The following ZNF536 variants were observed in gnomAD, a reference collection of about 807,000 sequenced individuals.
ZNF536 encodes zinc finger protein 536.
In ZNF536, 13 loss-of-function variants were observed where a neutral mutation model predicts 84.5. The observed-to-expected ratio is 0.15, with a 90% confidence interval of 0.10 to 0.24. ZNF536 has a LOEUF of 0.24. Ranked by LOEUF, ZNF536 falls within the 10% of genes least tolerant of loss-of-function variation. ZNF536 has a pLI of 1.00. For synonymous variants in ZNF536, 811 were observed against 742.5 expected, an observed-to-expected ratio of 1.09 and a Z score of -1.50; for missense variants, 1,536 against 1,747.5, an observed-to-expected ratio of 0.88 and a Z score of 2.16.
chr19:30,503,382 T>C (rs1385524724), intron 2 of ZNF536, among the ~76,000 whole-genome samples: 2 of 152,120 alleles, frequency 1.3e-5, no homozygotes, highest in African/African-American at 4.8e-5. Context: ...ATACAAATGG[T>C]CAATAATCAA....
intron 1 of ZNF536, among the ~76,000 whole-genome samples, chr19:30,691,214 A>G (rs1342316027): frequency 6.6e-6 from 1 of 152,052 alleles, no homozygotes; most frequent in Non-Finnish European, 1.5e-5. Context: ...TTCTGTATTA[A>G]CCGTGAGGTC....
chr19:30,311,843 A>G (rs2046514529), intron 2 of ZNF536, among the ~76,000 whole-genome samples: 1 of 152,136 alleles, frequency 6.6e-6, no homozygotes, highest in African/African-American at 2.4e-5. Flanking sequence ...CCAAGGCAGG[A>G]GGATCACTTG....
intron 3 of ZNF536, among the ~76,000 whole-genome samples, chr19:30,353,833 A>C (rs977049687): frequency 6.6e-6 from 1 of 152,178 alleles, no homozygotes; most frequent in Non-Finnish European, 1.5e-5. Context: ...TGCTACATTG[A>C]TGGTGAGGAT....
intron 2 of ZNF536, among the ~76,000 whole-genome samples, chr19:30,470,710 G>C (rs2053598453): frequency 6.8e-6 from 1 of 146,954 alleles, no homozygotes; most frequent in Non-Finnish European, 1.5e-5. Context: ...TTTTGAGATG[G>C]AGTCTCGCTC....
chr19:30,389,370 A>G (rs774322703), intron 1 of ZNF536, among the ~76,000 whole-genome samples: 1 of 152,172 alleles, frequency 6.6e-6, no homozygotes, highest in African/African-American at 2.4e-5. Context: ...TCTAGCGACC[A>G]TAGATGGGAC....
chr19:30,709,180 G>T (rs538276761), intron 1 of ZNF536, among the ~76,000 whole-genome samples: 1 of 152,150 alleles, frequency 6.6e-6, no homozygotes, highest in Non-Finnish European at 1.5e-5. Flanking sequence ...TTAGGTGAAC[G>T]TCCACAGGAA....
chr19:30,616,313 C>T (rs2048293011), intron 1 of ZNF536, among the ~76,000 whole-genome samples: 1 of 152,178 alleles, frequency 6.6e-6, no homozygotes, highest in African/African-American at 2.4e-5. Flanking sequence ...ATGCATGTTA[C>T]AGAAATATCC....
At chr19:30,672,380 T>G (rs139413752) in intron 1 of ZNF536, among the ~76,000 whole-genome samples, 1 of 152,334 alleles carries the variant, frequency 6.6e-6, no homozygotes, top group East Asian at 1.9e-4. Flanking sequence ...TTAGAATGCA[T>G]GCGTTTGAAA....
chr19:30,367,620 C>T (rs1274917049), upstream of ZNF536, among the ~76,000 whole-genome samples: 1 of 152,150 alleles, frequency 6.6e-6, no homozygotes, highest in Non-Finnish European at 1.5e-5. Context: ...CCTTCAATGC[C>T]CATTTGATTC....
intron 2 of ZNF536, among the ~76,000 whole-genome samples, chr19:30,516,161 A>G (rs997678534): frequency 1.3e-5 from 2 of 152,142 alleles, no homozygotes; most frequent in African/African-American, 4.8e-5. Context: ...AATTGGGTGG[A>G]CATGTTTGCT....
intron 2 of ZNF536, among the ~76,000 whole-genome samples, chr19:30,303,506 C>A (rs1249950832): frequency 1.4e-5 from 2 of 145,476 alleles, no homozygotes; most frequent in Non-Finnish European, 3.0e-5. Flanking sequence ...CTTTTTGACA[C>A]TTTTTTTTTT....
At chr19:30,634,549 A>G (rs937899477) in intron 1 of ZNF536, among the ~76,000 whole-genome samples, 4 of 152,106 alleles carry the variant, frequency 2.6e-5, no homozygotes, top group Non-Finnish European at 4.4e-5. Flanking sequence ...CCCTGGTCGG[A>G]GCAGTCCCTC....
chr19:30,616,024 A>G (rs60340722), intron 1 of ZNF536, among the ~76,000 whole-genome samples: 4 of 152,136 alleles, frequency 2.6e-5, no homozygotes, highest in Non-Finnish European at 5.9e-5. Context: ...TTGTATATTC[A>G]TTTTATAACC....
At chr19:30,382,481 A>G (rs2049058726) in intron 1 of ZNF536, among the ~76,000 whole-genome samples, 1 of 152,262 alleles carries the variant, frequency 6.6e-6, no homozygotes, top group African/African-American at 2.4e-5. Flanking sequence ...AGCACTGTAA[A>G]GAAAATATCT....
chr19:30,556,866 A>G (rs575423714), intron 4 of ZNF536: 1 of 269,028 alleles, frequency 3.7e-6, no homozygotes, highest in South Asian at 5.2e-5. Flanking sequence ...AGGGCAATCA[A>G]CCTCTTTGGT....
intron 1 of ZNF536, among the ~76,000 whole-genome samples, chr19:30,634,675 T>G (rs2147270489): frequency 6.6e-6 from 1 of 152,216 alleles, no homozygotes; most frequent in African/African-American, 2.4e-5. Flanking sequence ...TTAATGCCGG[T>G]GAATGTTGCA....
rs149079238 is a variant in ZNF536 at position 30,549,196 on chromosome 19, C to G, written c.3577C>G (p.Pro1193Ala). 6.2e-7 allele frequency: 1 copy of G among 1,614,074 alleles called. No individual in the cohort carries two copies. ...VETEPEMMTKPLSALSKDSSS... is the reference protein window; with the variant it reads ...VETEPEMMTKALSALSKDSSS... ...AACCGAACCGGAAATGATGACCAAG[C>G]CACTGTCTGCCCTCAGCAAAGACAG... is the stretch of plus-strand genomic sequence containing the variant. Residue 1193 changes from proline (P) to alanine (A), a missense_variant, in exon 4 of 5, where the codon CCA becomes GCA. Physicochemically the swap from Pro to Ala is conservative, Grantham distance 27. Coordinates refer to ENST00000355537, the MANE Select transcript of ZNF536 (RefSeq NM_014717.3).
At chr19:30,291,541 T>C (rs1450215843) in intron 2 of ZNF536, among the ~76,000 whole-genome samples, 7 of 152,268 alleles carry the variant, frequency 4.6e-5, no homozygotes. Flanking sequence ...GTTTGTTTGT[T>C]TTTTTCTTGT....
At chr19:30,339,055 C>A (rs2047480937) in intron 2 of ZNF536, among the ~76,000 whole-genome samples, 1 of 152,192 alleles carries the variant, frequency 6.6e-6, no homozygotes, top group Non-Finnish European at 1.5e-5. Context: ...AGCTAAGTAA[C>A]CCTGGCTGAT....
Sources: allele counts gnomAD v4.1 joint callset (sites outside exome capture counted in the v4.1 genomes callset), GRCh38; gene constraint gnomAD v4.1.1; transcripts MANE v1.5; gene names NCBI Gene and HGNC (gene_info 2026-07-23, HGNC 2026-07-21).